FAM135B: variants seen among roughly 807,000 people sequenced by gnomAD.
The protein encoded by FAM135B is family with sequence similarity 135 member B, also known as protein FAM135B.
In FAM135B, 43 loss-of-function variants were observed where a neutral mutation model predicts 127.7. That is an observed-to-expected ratio of 0.34 (90% CI 0.26 to 0.43). The LOEUF (loss-of-function observed/expected upper bound fraction) is 0.43, where lower values mean the gene tolerates loss of function less well. Among genes scored for constraint, FAM135B ranks in the 20% least tolerant of loss-of-function variants. The pLI, the probability that FAM135B is intolerant of heterozygous loss-of-function variation, is 1.00. For missense variants in FAM135B, 1,558 were observed against 1,725.6 expected (o/e 0.90, Z 1.72); for synonymous variants, 670 against 665.1 (o/e 1.01, Z -0.11).
intron 7 of FAM135B, among the ~76,000 whole-genome samples, chr8:138,235,674 C>A (rs1335272614): frequency 6.6e-6 from 1 of 152,126 alleles, no homozygotes; most frequent in East Asian, 1.9e-4. Flanking sequence ...CCCTGCCCTG[C>A]CAGACACACA....
intron 2 of FAM135B, among the ~76,000 whole-genome samples, chr8:138,344,995 C>T (rs77189678): frequency 0.029 from 4,439 of 152,210 alleles, 136 homozygotes; most frequent in East Asian, 0.16. Context: ...ACTGATGCTC[C>T]GGAAGAGCAG....
In FAM135B at chr8:138,167,992, G is replaced by C. The variant is rs974609092; in HGVS notation, c.1161C>G (p.Ser387Arg). The C allele has an allele frequency of 5.6e-6, 9 of 1,613,862 alleles. No homozygotes were observed. In the African/African-American group the frequency reaches 1.1e-4, roughly 19 times the overall value. The stretch of plus-strand genomic sequence containing the variant: ...GGCACTCTGCAGGCAGCGGGGGCAT[G>C]CTAGTGAGGTACTCCGAGTTCCGGA... ...LDIRNSEYLTSMPPLPAECLD... is the reference protein window; with the variant it reads ...LDIRNSEYLTRMPPLPAECLD... The change falls in exon 12 of 20, where the codon AGC becomes AGG. Residue 387 changes from serine to arginine, a missense_variant. By Grantham distance (110) the Ser-to-Arg change is moderately radical. Transcript: ENST00000395297.
chr8:138,356,169 C>T (rs1015128926), intron 2 of FAM135B, among the ~76,000 whole-genome samples: 1 of 151,990 alleles, frequency 6.6e-6, no homozygotes, highest in African/African-American at 2.4e-5. Flanking sequence ...AAGTGTATGC[C>T]ATTTGCAAAT....
chr8:138,188,529 T>C (rs1216513115), intron 9 of FAM135B, among the ~76,000 whole-genome samples: 2 of 152,164 alleles, frequency 1.3e-5, no homozygotes, highest in African/African-American at 4.8e-5. Flanking sequence ...TACAGACAAA[T>C]CCTAGTAGTT....
In FAM135B at chr8:138,334,338, C is replaced by A. The variant is rs570403195; in HGVS notation, c.78-23418G>T. On this transcript the variant is annotated intron_variant, in intron 2 of 19. Transcript: ENST00000395297. ...TGGCCTACAGCAAGTGGCTGTAGAA[C>A]CCCCTTAGCAAATATTCACTTATTC... 1.1e-3 allele frequency among the ~76,000 whole-genome samples: 166 copies of A among 152,316 alleles called. 1 individual carries two copies. Among genetic ancestry groups the A allele is most frequent in the African/African-American group, 3.8e-3 (158 of 41,576 alleles).
intron 2 of FAM135B, among the ~76,000 whole-genome samples, chr8:138,356,998 C>T (rs545462582): frequency 6.6e-6 from 1 of 152,170 alleles, no homozygotes; most frequent in African/African-American, 2.4e-5. Context: ...AAGATCATTT[C>T]CTCCCTCACC....
intron 13 of FAM135B, among the ~76,000 whole-genome samples, chr8:138,149,745 T>C (rs1241921217): frequency 6.6e-6 from 1 of 152,188 alleles, no homozygotes. Context: ...CTGCTATCCC[T>C]ATTCACACCC....
chr8:138,307,247 T>C (rs1215326927), intron 3 of FAM135B, among the ~76,000 whole-genome samples: 1 of 152,238 alleles, frequency 6.6e-6, no homozygotes, highest in Non-Finnish European at 1.5e-5. Context: ...AGTTCTCCTA[T>C]ACAAACTCTG....
At chr8:138,203,762 T>G (rs1563765643) in intron 7 of FAM135B, among the ~76,000 whole-genome samples, 3 of 152,162 alleles carry the variant, frequency 2.0e-5, no homozygotes, top group Non-Finnish European at 4.4e-5. Context: ...TATTGTACAC[T>G]TTATTTCTAT....
chr8:138,248,777 A>G lies in FAM135B; in HGVS notation c.542+2064T>C, dbSNP rs192294005. ...AGAGGTTGCAGTGAGCTGAATTTGCATCACTGCACTCTAGCCTGGGTGACA... is the reference window on the plus strand; with the variant it reads ...AGAGGTTGCAGTGAGCTGAATTTGCGTCACTGCACTCTAGCCTGGGTGACA... On this transcript the variant is annotated intron_variant, in intron 6 of 19. Transcript: ENST00000395297. Among the ~76,000 whole-genome samples, 18 of 148,408 alleles carry G rather than the reference A, an allele frequency of 1.2e-4. No homozygotes were observed. The East Asian group carries it at 3.2e-3, about 26-fold the overall frequency.
intron 3 of FAM135B, among the ~76,000 whole-genome samples, chr8:138,305,621 ATCTT>A (rs1158935140): frequency 6.6e-6 from 1 of 152,216 alleles, no homozygotes; most frequent in Non-Finnish European, 1.5e-5. Context: ...CACCTGTTTT[ATCTT>A]CCTGGAATAC....
In FAM135B at chr8:138,442,565, C is replaced by T. The variant is rs565623824; in HGVS notation, c.-20+54106G>A. Among the ~76,000 whole-genome samples, 139 of 151,810 alleles carry T rather than the reference C, an allele frequency of 9.2e-4. 1 individual carries two copies. The highest frequency in any genetic ancestry group is 3.1e-3 in the African/African-American group (130 of 41,402). On this transcript the variant is annotated intron_variant, in intron 1 of 19. Coordinates refer to ENST00000395297, the MANE Select transcript of FAM135B (RefSeq NM_015912.4). ...TGTGTTGTCTCAACCTGACCTCTAC[C>T]ACCAAACACAAAGCAAAATAAAACA...
intron 1 of FAM135B, among the ~76,000 whole-genome samples, chr8:138,374,675 T>C (rs909120839): frequency 3.3e-5 from 5 of 152,096 alleles, no homozygotes; most frequent in Non-Finnish European, 7.4e-5. Flanking sequence ...GACCGGAGGC[T>C]CTAAGGGTTG....
intron 2 of FAM135B, among the ~76,000 whole-genome samples, chr8:138,364,530 T>C (rs1442008565): frequency 6.6e-6 from 1 of 152,144 alleles, no homozygotes; most frequent in African/African-American, 2.4e-5. Flanking sequence ...CTCATCCACA[T>C]CTGAAGTATG....
intron 4 of FAM135B, among the ~76,000 whole-genome samples, chr8:138,261,622 C>T (rs1387606390): frequency 1.3e-5 from 2 of 152,164 alleles, no homozygotes; most frequent in African/African-American, 4.8e-5. Context: ...TGGGATTACG[C>T]AGAGTATATA....
chr8:138,378,760 G>C (rs551712988), intron 1 of FAM135B, among the ~76,000 whole-genome samples: 1 of 151,688 alleles, frequency 6.6e-6, no homozygotes, highest in African/African-American at 2.4e-5. Flanking sequence ...TCTGAAGACA[G>C]TGCAAATAGA....
rs547323673 is a variant in FAM135B at position 138,196,256 on chromosome 8, T to C, written c.824-949A>G. ...AAATCTCCATTTTTCATTTGAGCTA[T>C]ATAAAGTCACTCTGATTCTGTGCAG... is the stretch of plus-strand genomic sequence containing the variant. On this transcript the variant is annotated intron_variant, in intron 8 of 19. Coordinates refer to ENST00000395297, the MANE Select transcript of FAM135B (RefSeq NM_015912.4). Among the ~76,000 whole-genome samples the C allele has an allele frequency of 1.9e-4, 29 of 152,356 alleles. No individual in the cohort carries two copies. In the South Asian group the frequency reaches 6.0e-3, roughly 32 times the overall value.
intron 1 of FAM135B, among the ~76,000 whole-genome samples, chr8:138,379,363 A>T (rs188394744): frequency 6.6e-6 from 1 of 152,270 alleles, no homozygotes; most frequent in Admixed American, 6.5e-5. Flanking sequence ...TTTTGGGAAG[A>T]TCAACATAAA....
intron 12 of FAM135B, among the ~76,000 whole-genome samples, chr8:138,160,835 C>A (rs1445878413): frequency 1.3e-5 from 1 of 79,750 alleles, no homozygotes; most frequent in East Asian, 4.7e-4. Context: ...TAAGTTTTAA[C>A]TTATCAAAGT....
Sources: allele counts gnomAD v4.1 joint callset (sites outside exome capture counted in the v4.1 genomes callset), GRCh38; gene constraint gnomAD v4.1.1; transcripts MANE v1.5; gene names NCBI Gene and HGNC (gene_info 2026-07-23, HGNC 2026-07-21).